GNG2: variants seen among roughly 807,000 people sequenced by gnomAD.
GNG2 encodes the protein guanine nucleotide-binding protein G(I)/G(S)/G(O) subunit gamma-2.
GNG2 carries 5 observed loss-of-function variants against 5.5 expected under a neutral mutation model. The ratio of observed to expected loss-of-function variants is 0.91; its 90% CI spans 0.48 to 1.92. The LOEUF (loss-of-function observed/expected upper bound fraction) is 1.92, where lower values mean the gene tolerates loss of function less well. Ranked by LOEUF, GNG2 falls within the 30% of genes most tolerant of loss-of-function variation. The pLI is 0.01. For missense variants in GNG2, 55 were observed against 88.4 expected, an observed-to-expected ratio of 0.62 and a Z score of 1.52; for synonymous variants, 28 against 32.0, an observed-to-expected ratio of 0.88 and a Z score of 0.42.
chr14:51,828,091 G>A (rs1881076566), intron 2 of GNG2, among the ~76,000 whole-genome samples: 2 of 152,232 alleles, frequency 1.3e-5, no homozygotes, highest in Non-Finnish European at 2.9e-5. Flanking sequence ...TCCTCAACAT[G>A]AGTTATTTGG....
chr14:51,947,932 T>C (rs1888735151), intron 2 of GNG2, among the ~76,000 whole-genome samples: 1 of 152,192 alleles, frequency 6.6e-6, no homozygotes, highest in Non-Finnish European at 1.5e-5. Context: ...CTCTGTCACA[T>C]CAAAGGTAAC....
chr14:51,921,677 G>C (rs145990513), intron 2 of GNG2, among the ~76,000 whole-genome samples: 1 of 152,106 alleles, frequency 6.6e-6, no homozygotes, highest in Admixed American at 6.6e-5. Context: ...TCACACCTGC[G>C]GCCAGGACAA....
At chr14:51,855,499 G>C (rs1439163359), upstream of GNG2, among the ~76,000 whole-genome samples, 6 of 152,164 alleles carry the variant, frequency 3.9e-5, no homozygotes, top group Non-Finnish European at 7.4e-5. Flanking sequence ...ATATCTTTTT[G>C]AAGAACTCTT....
chr14:51,885,624 C>CA (rs1484210550), intron 2 of GNG2, among the ~76,000 whole-genome samples: 1 of 151,726 alleles, frequency 6.6e-6, no homozygotes, highest in Non-Finnish European at 1.5e-5. Flanking sequence ...CGCCCCCAAA[C>CA]AAAAAAACAA....
chr14:51,828,527 C>T (rs1158044662), intron 2 of GNG2, among the ~76,000 whole-genome samples: 2 of 152,246 alleles, frequency 1.3e-5, no homozygotes, highest in Non-Finnish European at 2.9e-5. Context: ...GAGATAATCA[C>T]AAAAGCAGAA....
intron 2 of GNG2, among the ~76,000 whole-genome samples, chr14:51,878,696 A>G (rs574096870): frequency 2.6e-5 from 4 of 152,164 alleles, no homozygotes; most frequent in Non-Finnish European, 5.9e-5. Flanking sequence ...AAGGTCTGCA[A>G]ATTTGGACTT....
chr14:51,952,552 T>C (rs1235137269), intron 3 of GNG2, among the ~76,000 whole-genome samples: 1 of 152,202 alleles, frequency 6.6e-6, no homozygotes, highest in Non-Finnish European at 1.5e-5. Flanking sequence ...ACTTTGACTT[T>C]TGAGGTGGTC....
intron 3 of GNG2, among the ~76,000 whole-genome samples, chr14:51,960,566 T>G (rs562503839): frequency 6.6e-6 from 1 of 152,360 alleles, no homozygotes; most frequent in East Asian, 1.9e-4. Context: ...TTATTCTACC[T>G]TCTTGATCAT....
chr14:51,917,387 C>G, intron 2 of GNG2: 1 of 456,082 alleles, frequency 2.2e-6, no homozygotes, highest in South Asian at 1.5e-5. Context: ...CAGACAGCAA[C>G]GACATGGCTG....
intron 2 of GNG2, chr14:51,913,122 G>A (rs995970870): frequency 6.6e-6 from 1 of 152,222 alleles, no homozygotes; most frequent in Admixed American, 6.5e-5. Flanking sequence ...TTAACTCTAG[G>A]TGGTTGGTAA....
intron 2 of GNG2, among the ~76,000 whole-genome samples, chr14:51,948,501 G>A (rs1255021958): frequency 2.0e-5 from 3 of 152,208 alleles, no homozygotes; most frequent in Non-Finnish European, 4.4e-5. Flanking sequence ...GATTGTGGCT[G>A]CATCCAATAT....
chr14:51,969,234 T>C lies in GNG2; in HGVS notation c.*2547T>C, dbSNP rs1200906134. 6.6e-6 allele frequency: 1 copy of C among 152,180 alleles called. No individual in the cohort carries two copies. Among genetic ancestry groups the C allele is most frequent in the East Asian group, 1.9e-4 (1 of 5,202 alleles). The allele number at this position is 152,180 out of a possible 1,614,324, so 9.4% of individuals were successfully genotyped here. On this transcript the variant is annotated 3_prime_UTR_variant, in exon 4 of 4. Coordinates refer to ENST00000556766, the MANE Select transcript of GNG2 (RefSeq NM_053064.5). ...ATAGAAATGAAAATCTGCCGTGGAA[T>C]TAACTAATAAGTAGTAACAATAAAC...
At position 51,851,301 on chromosome 14, in the gene GNG2, C is replaced by T. The variant is rs1594836163; in HGVS notation, c.64+23494C>T. Among the ~76,000 whole-genome samples, 3 of 152,312 alleles carry T rather than the reference C, an allele frequency of 2.0e-5. 1 individual carries two copies. Among genetic ancestry groups the T allele is most frequent in the Non-Finnish European group, 4.4e-5 (3 of 68,036 alleles). Reference sequence around the variant, plus strand: ...CCATATGCATACTCATCATTCTACACAAAATCTACACAGAAATCTTCATTG... The same window carrying T: ...CCATATGCATACTCATCATTCTACATAAAATCTACACAGAAATCTTCATTG... On this transcript the variant is annotated intron_variant, in intron 2 of 3. Coordinates refer to the GNG2 transcript ENST00000553432.
chr14:51,925,773 G>A (rs560744627), intron 2 of GNG2, among the ~76,000 whole-genome samples: 8 of 137,838 alleles, frequency 5.8e-5, no homozygotes, highest in Admixed American at 2.9e-4. Context: ...CACTATGCCC[G>A]GCTAATTTTT....
At chr14:51,866,976 G>A (rs1313330926) in intron 1 of GNG2, among the ~76,000 whole-genome samples, 1 of 152,182 alleles carries the variant, frequency 6.6e-6, no homozygotes, top group South Asian at 2.1e-4. Flanking sequence ...AAGGGATTAT[G>A]TTGTGACAAT....
chr14:51,831,540 T>C (rs1881189922), intron 2 of GNG2, among the ~76,000 whole-genome samples: 1 of 152,220 alleles, frequency 6.6e-6, no homozygotes, highest in South Asian at 2.1e-4. Context: ...TAGGGAGAAC[T>C]ATGGTAATAA....
rs565884328 is a variant in GNG2 at position 51,925,410 on chromosome 14, A to T, written c.-29-25240A>T. 4.6e-5 allele frequency among the ~76,000 whole-genome samples: 7 copies of T among 152,344 alleles called. No homozygotes were observed. In the South Asian group the frequency reaches 1.2e-3, roughly 27 times the overall value. On this transcript the variant is annotated intron_variant, in intron 2 of 3. Transcript: ENST00000556766. ...TAGTATATGGCAGAGGATTCAGGTG[A>T]CAATAGACCTGAATAGATTCTGGGC...
intron 3 of GNG2, among the ~76,000 whole-genome samples, chr14:51,957,821 T>C (rs998962523): frequency 6.6e-6 from 1 of 152,220 alleles, no homozygotes; most frequent in Admixed American, 6.5e-5. Context: ...AGGCCATTTA[T>C]TTTTTAGAAT....
At chr14:51,898,513 A>G (rs1428146719) in intron 2 of GNG2, among the ~76,000 whole-genome samples, 4 of 152,234 alleles carry the variant, frequency 2.6e-5, no homozygotes, top group African/African-American at 9.6e-5. Context: ...ACAAAGCTAA[A>G]AAAGATCACT....
Sources: gnomAD v4.1 joint callset for allele counts (sites outside exome capture counted in the v4.1 genomes callset) on GRCh38, gnomAD v4.1.1 for gene constraint, MANE v1.5 for transcripts, NCBI Gene and HGNC (gene_info 2026-07-23, HGNC 2026-07-21) for gene names.